QARS1: variants seen among roughly 807,000 people sequenced by gnomAD.
QARS1 encodes glutaminyl-tRNA synthetase 1, also known as glutamine--tRNA ligase.
QARS1 carries 79 observed loss-of-function variants against 106.9 expected under a neutral mutation model. That is an observed-to-expected ratio of 0.74 (90% CI 0.62 to 0.89). The LOEUF is 0.89. Ranked by LOEUF, QARS1 falls within the 40% of genes least tolerant of loss-of-function variation. QARS1 has a pLI of 0.00. For missense variants in QARS1, 966 were observed against 997.2 expected (o/e 0.97, Z 0.42); for synonymous variants, 395 against 367.7 (o/e 1.07, Z -0.85).
rs764530879 is a variant in QARS1, at chr3:49,104,751, C to G, written c.-18G>C. On this transcript the variant is annotated 5_prime_UTR_variant, in exon 1 of 24. Transcript: ENST00000306125. ...GCCGCCATTGCAGAGACACCGGAAA[C>G]TAAAAGAAACTTAGGCCCCAGTCTG... 6.2e-7 allele frequency: 1 copy of G among 1,608,198 alleles called. No homozygotes were observed. The highest frequency in any genetic ancestry group is 8.5e-7 in the Non-Finnish European group (1 of 1,175,284).
intron 10 of QARS1, 118 bp downstream of exon 10, chr3:49,101,237 T>C: frequency 3.9e-6 from 3 of 775,838 alleles, no homozygotes; most frequent in Non-Finnish European, 6.4e-6. Context: ...TTCCTTTCCA[T>C]GGCCTCTGCC....
Position 49,101,392 on chromosome 3 carries a change from T to C in QARS1, c.839A>G (p.His280Arg). 5 of 1,614,146 alleles carry C rather than the reference T, an allele frequency of 3.1e-6. No individual in the cohort carries two copies. In the East Asian group the frequency reaches 6.7e-5, roughly 22 times the overall value. ...PEPNGILHIG[H>R]AKAINFNFGY... ...AAAGTTGAAATTGATGGCTTTGGCA[T>C]GTCCAATATGCAGGATTCCATTGGG... Residue 280 changes from histidine to arginine, a missense_variant, in exon 10 of 24, where the codon CAT (histidine) becomes CGT (arginine). By Grantham distance (29) the His-to-Arg change is conservative. Transcript: ENST00000306125.
intron 5 of QARS1, among the ~76,000 whole-genome samples, chr3:49,103,014 G>A (rs1475288788): frequency 2.0e-5 from 3 of 151,068 alleles, no homozygotes; most frequent in Non-Finnish European, 4.4e-5. Flanking sequence ...ATGGAGTGCA[G>A]TGGTGCAATC....
chr3:49,102,044 C>G (rs1217326606), intron 7 of QARS1, 145 bp from the exon 8 acceptor site: 5 of 1,320,836 alleles, frequency 3.8e-6, no homozygotes, highest in Non-Finnish European at 5.3e-6. Flanking sequence ...TCATGCCAGT[C>G]TCTGGGCAAA....
At chr3:49,102,137 AG>A in intron 7 of QARS1, 67 bp downstream of exon 7, 1 of 1,593,464 alleles carries the variant, frequency 6.3e-7, no homozygotes, top group Non-Finnish European at 8.6e-7. Flanking sequence ...GGAGCCTGTA[AG>A]GACTCTTCTG....
rs745546682 is a variant in QARS1, at chr3:49,100,462, G to A, written c.977-4C>T. 20 of 1,613,974 alleles carry A rather than the reference G, an allele frequency of 1.2e-5. No homozygotes were observed. The highest frequency in any genetic ancestry group is 1.7e-5 in the Non-Finnish European group (20 of 1,179,956). Reference sequence around the variant, plus strand: ...GTGACTTTGTAAGGTGTGTAGCCTGGGGCAAAATGAAACAAAGTATGAGCA... The same window carrying A: ...GTGACTTTGTAAGGTGTGTAGCCTGAGGCAAAATGAAACAAAGTATGAGCA... On this transcript the variant is annotated splice_region_variant and splice_polypyrimidine_tract_variant and intron_variant, in intron 11 of 23. Coordinates refer to ENST00000306125, the MANE Select transcript of QARS1 (RefSeq NM_005051.3).
chr3:49,100,541 C>A (rs765259416), intron 11 of QARS1, 34 bp downstream of exon 11: 2 of 1,590,518 alleles, frequency 1.3e-6, no homozygotes, highest in Non-Finnish European at 8.6e-7. Flanking sequence ...GGCCCACTAA[C>A]CACCAGCCCT....
chr3:49,099,196 G>A lies in QARS1; in HGVS notation c.1672C>T (p.Arg558Cys), dbSNP rs150328993. 5.6e-6 allele frequency: 9 copies of A among 1,614,038 alleles called. No individual in the cohort carries two copies. The highest frequency in any genetic ancestry group is 3.3e-5 in the Admixed American group (2 of 59,992). ...MEPHLLEACV[R>C]DVLNDTAPRA... ...GGGGCTGTGTCATTCAGCACATCAC[G>A]CACACAGGCTTCTAGAAGATGTGGC... The change falls in exon 18 of 24, where the codon CGT (arginine) becomes TGT (cysteine). Residue 558 changes from arginine to cysteine, a missense_variant. Arg to Cys is a radical substitution (Grantham distance 180). Transcript: ENST00000306125.
chr3:49,099,680 G>A, intron 15 of QARS1, 33 bp from the exon 16 acceptor site: 1 of 1,612,690 alleles, frequency 6.2e-7, no homozygotes, highest in Admixed American at 1.7e-5. Context: ...GCACTGGCCA[G>A]CTCTGGAACC....
At chr3:49,102,298 C>A in intron 6 of QARS1, 33 bp from the exon 7 acceptor site, 1 of 1,614,118 alleles carries the variant, frequency 6.2e-7, no homozygotes, top group Non-Finnish European at 8.5e-7. Flanking sequence ...CAGAAAATGG[C>A]ATCAAATTTT....
chr3:49,098,008 T>G lies in QARS1; in HGVS notation c.2261A>C (p.Asp754Ala), dbSNP rs142480574. The change falls in exon 23 of 24, where the codon GAC becomes GCC. Residue 754 changes from aspartate to alanine, a missense_variant. Physicochemically the swap from Asp to Ala is moderately radical, Grantham distance 126. Transcript: ENST00000306125. ...ERLGYFSVDP[D>A]SHQGKLVFNR... ...GTCAAGCACCTTTCCCTGATGGCTG[T>G]CTGGATCCACGGAGAAATATCCAAG... 4 of 1,614,188 alleles carry G rather than the reference T, an allele frequency of 2.5e-6. No individual in the cohort carries two copies. In the East Asian group the frequency reaches 6.7e-5, roughly 27 times the overall value.
At chr3:49,100,855 G>C (rs987635189) in intron 10 of QARS1, 181 bp from the exon 11 acceptor site, 2 of 693,750 alleles carry the variant, frequency 2.9e-6, no homozygotes, top group African/African-American at 3.5e-5. Flanking sequence ...GGTTTCTCCT[G>C]CCTCAGCTTC....
At chr3:49,104,516 G>C (rs2042513602) in intron 1 of QARS1, 45 bp from the exon 2 acceptor site, 15 of 1,609,780 alleles carry the variant, frequency 9.3e-6, no homozygotes, top group Non-Finnish European at 1.3e-5. Context: ...CTCAGTGAGA[G>C]GAAAGGGCGG....
In QARS1 at chr3:49,099,978, G is replaced by A; in HGVS notation, c.1278C>T (p.His426=). The A allele has an allele frequency of 6.2e-7, 1 of 1,614,182 alleles. No homozygotes were observed. Among genetic ancestry groups the A allele is most frequent in the Non-Finnish European group, 8.5e-7 (1 of 1,180,024 alleles). Residue 426 remains histidine, a synonymous_variant, in exon 14 of 24, where the codon CAC becomes CAT. Transcript: ENST00000306125. ...ACACCCACCATTTGTCCCCTGTGCG[G>A]TGGTGTGGTGTATACTTGACTCGAT... ...VAYRVKYTPH[H]RTGDKWCIYP...
At chr3:49,100,836 C>T in intron 10 of QARS1, 162 bp from the exon 11 acceptor site, 2 of 715,792 alleles carry the variant, frequency 2.8e-6, no homozygotes, top group South Asian at 1.5e-5. Context: ...CTGCAGCCTC[C>T]ACCTCCTGGG....
In QARS1 at chr3:49,096,059, G is replaced by C; in HGVS notation, c.2298C>G (p.Val766=). The change falls in exon 24 of 24, where the codon GTC becomes GTG. Residue 766 remains valine (V), a synonymous_variant. Coordinates refer to ENST00000306125, the MANE Select transcript of QARS1 (RefSeq NM_005051.3). ...CCTTTCCTGGGTCTTCCTTCAGTGT[G>C]ACAGTTCGGTTAAAGACAAGCTGGA... The part of the protein sequence containing the change: ...HQGKLVFNRT[V]TLKEDPGKV 6.2e-7 allele frequency: 1 copy of C among 1,613,938 alleles called. No homozygotes were observed. The highest frequency in any genetic ancestry group is 8.5e-7 in the Non-Finnish European group (1 of 1,179,966).
chr3:49,098,376 A>G lies in QARS1; in HGVS notation c.2061T>C (p.Cys687=), dbSNP rs761792999. Residue 687 remains cysteine (C), a synonymous_variant, in exon 21 of 24, where the codon TGT becomes TGC. Coordinates refer to ENST00000306125, the MANE Select transcript of QARS1 (RefSeq NM_005051.3). The stretch of plus-strand genomic sequence containing the variant: ...ACAGTCGCTCATAGAGGCGAACCTC[A>G]CACATCAAAGGCTGTGACACCCAGT... ...FIHWVSQPLM[C]EVRLYERLFQ... 3.7e-6 allele frequency: 6 copies of G among 1,613,980 alleles called. No individual in the cohort carries two copies. Among genetic ancestry groups the G allele is most frequent in the Non-Finnish European group, 5.1e-6 (6 of 1,179,962 alleles).
rs772575870 is a variant in QARS1, at chr3:49,100,617, C to T, written c.934G>A (p.Ala312Thr). The stretch of plus-strand genomic sequence containing the variant: ...TCACAGATGGCCGTGAAGAACTTTG[C>T]TTCCTCCTTCTCAGGGTTGGTGTCA... ...FDDTNPEKEE[A>T]KFFTAICDMV... The change falls in exon 11 of 24, where the codon GCA becomes ACA. Residue 312 changes from alanine (A) to threonine (T), a missense_variant. Coordinates refer to ENST00000306125, the MANE Select transcript of QARS1 (RefSeq NM_005051.3). 1 of 1,611,498 alleles carries T rather than the reference C, an allele frequency of 6.2e-7. No individual in the cohort carries two copies. The highest frequency in any genetic ancestry group is 8.5e-7 in the Non-Finnish European group (1 of 1,177,576).
intron 23 of QARS1, 52 bp downstream of exon 23, chr3:49,097,940 C>G: frequency 1.2e-6 from 2 of 1,608,918 alleles, no homozygotes; most frequent in Non-Finnish European, 1.7e-6. Context: ...GCACAATGAA[C>G]GGCAGCCACT....
Sources: allele counts gnomAD v4.1 joint callset (sites outside exome capture counted in the v4.1 genomes callset), GRCh38; gene constraint gnomAD v4.1.1; transcripts MANE v1.5; gene names NCBI Gene and HGNC (gene_info 2026-07-23, HGNC 2026-07-21).